Variants in ARHGAP12 observed in about 807,000 individuals in gnomAD.
ARHGAP12 encodes Rho GTPase activating protein 12, also known as rho GTPase-activating protein 12.
In ARHGAP12, 64 loss-of-function variants were observed where a neutral mutation model predicts 108.6. The observed-to-expected ratio is 0.59, with a 90% CI of 0.48 to 0.73. The LOEUF is 0.73. Ranked by LOEUF, ARHGAP12 falls within the 30% of genes least tolerant of loss-of-function variation. ARHGAP12 has a pLI of 0.00. For missense variants in ARHGAP12, 940 were observed against 1,005.9 expected (o/e 0.93, Z 0.89); for synonymous variants, 312 against 337.2 (o/e 0.93, Z 0.82).
chr10:31,873,510 C>G (rs1322861223), intron 3 of ARHGAP12, among the ~76,000 whole-genome samples: 1 of 152,154 alleles, frequency 6.6e-6, no homozygotes, highest in Non-Finnish European at 1.5e-5. Flanking sequence ...CACCCATGGC[C>G]AGTGGCTACT....
At chr10:31,900,323 T>C (rs1379400278) in intron 3 of ARHGAP12, among the ~76,000 whole-genome samples, 1 of 152,038 alleles carries the variant, frequency 6.6e-6, no homozygotes, top group Non-Finnish European at 1.5e-5. Context: ...CTAAACAGAG[T>C]CATACCATAC....
At chr10:31,887,664 T>TTC (rs1838239728) in intron 3 of ARHGAP12, among the ~76,000 whole-genome samples, 2 of 149,828 alleles carry the variant, frequency 1.3e-5, no homozygotes, top group African/African-American at 4.9e-5. Flanking sequence ...TTTTTTTGTT[T>TTC]TTTTTTTTTT....
At chr10:31,874,088 C>T (rs1408028468) in intron 3 of ARHGAP12, among the ~76,000 whole-genome samples, 1 of 152,170 alleles carries the variant, frequency 6.6e-6, no homozygotes, top group Non-Finnish European at 1.5e-5. Flanking sequence ...AAAAAACTAT[C>T]TGTGATCACT....
rs1000675308 is a variant in ARHGAP12, at chr10:31,913,777, T to C, written c.-110-3214A>G. On this transcript the variant is annotated intron_variant, in intron 1 of 19. Coordinates refer to ENST00000344936, the MANE Select transcript of ARHGAP12 (RefSeq NM_018287.7). Reference sequence around the variant, plus strand: ...GACAAATCAGTTGGTTCTAGCAGGGTTTTTTTTTTTTTTGAAGAAAGAATT... The same window carrying C: ...GACAAATCAGTTGGTTCTAGCAGGGCTTTTTTTTTTTTTGAAGAAAGAATT... 1.2e-3 allele frequency: 147 copies of C among 125,296 alleles called. 2 individuals are homozygous for C. The highest frequency in any genetic ancestry group is 7.8e-3 in the Middle Eastern group (2 of 258). The allele number at this position is 125,296 out of a possible 1,614,324, so 7.8% of individuals were successfully genotyped here. A position where few individuals can be genotyped will look rare whatever the true frequency, so the allele number is the denominator to read the frequency against.
At position 31,861,420 on chromosome 10, in the gene ARHGAP12, TCTC is replaced by T; in HGVS notation, c.920_922del (p.Gly307del). The T allele has an allele frequency of 6.2e-7, 1 of 1,613,000 alleles. No homozygotes were observed. Among genetic ancestry groups the T allele is most frequent in the Non-Finnish European group, 8.5e-7 (1 of 1,179,726 alleles). On this transcript the variant is annotated inframe_deletion, in exon 4 of 20. Coordinates refer to ENST00000344936, the MANE Select transcript of ARHGAP12 (RefSeq NM_018287.7). ...CTCTTGATCCCCTGGATTTTGGAAA[TCTC>T]CTTTGCTGATGCTTGCATCCCGAGT...
At chr10:31,906,581 C>T (rs1028621289) in intron 3 of ARHGAP12, among the ~76,000 whole-genome samples, 1 of 151,962 alleles carries the variant, frequency 6.6e-6, no homozygotes, top group Non-Finnish European at 1.5e-5. Flanking sequence ...CTCATGAGAG[C>T]AGGGGAAAAT....
At chr10:31,916,908 C>T (rs1839580080) in intron 1 of ARHGAP12, among the ~76,000 whole-genome samples, 1 of 152,046 alleles carries the variant, frequency 6.6e-6, no homozygotes, top group South Asian at 2.1e-4. Flanking sequence ...AGCCACCACG[C>T]CCAGCCGAAA....
chr10:31,912,142 C>T (rs1390301910), intron 1 of ARHGAP12, among the ~76,000 whole-genome samples: 2 of 152,194 alleles, frequency 1.3e-5, no homozygotes, highest in Non-Finnish European at 2.9e-5. Flanking sequence ...TTTACCTATA[C>T]AAATTTTTCA....
chr10:31,861,385 T>C lies in ARHGAP12; in HGVS notation c.948+10A>G. ...TGGTAACTTGCAGTTGATTCCTTAATTACTCATACCTCTTGATCCCCTGGA... is the reference window on the plus strand; with the variant it reads ...TGGTAACTTGCAGTTGATTCCTTAACTACTCATACCTCTTGATCCCCTGGA... On this transcript the variant is annotated intron_variant, in intron 4 of 19. Coordinates refer to ENST00000344936, the MANE Select transcript of ARHGAP12 (RefSeq NM_018287.7). 6.3e-7 allele frequency: 1 copy of C among 1,588,078 alleles called. No homozygotes were observed. The highest frequency in any genetic ancestry group is 8.5e-7 in the Non-Finnish European group (1 of 1,171,546).
intron 3 of ARHGAP12, among the ~76,000 whole-genome samples, chr10:31,899,034 T>C (rs941464300): frequency 2.0e-5 from 3 of 152,130 alleles, no homozygotes; most frequent in South Asian, 2.1e-4. Flanking sequence ...TGGCTGAACA[T>C]TGAAAACATT....
In ARHGAP12 at chr10:31,908,179, T is replaced by A. The variant is rs761610009; in HGVS notation, c.677A>T (p.Gln226Leu). Reference sequence around the variant, plus strand: ...TTCTATTTTTAATCTTACCCTTATCTGTTCAGTGGAGCTGCTGCTAAGTTC... The same window carrying A: ...TTCTATTTTTAATCTTACCCTTATCAGTTCAGTGGAGCTGCTGCTAAGTTC... ...GDELSSSSTE[Q>L]IRATTPPNQG... Residue 226 changes from glutamine (Q) to leucine (L), a missense_variant, in exon 3 of 20, where the codon CAG (glutamine) becomes CTG (leucine). Gln to Leu is a moderately radical substitution (Grantham distance 113, BLOSUM62 -2). Coordinates refer to ENST00000344936, the MANE Select transcript of ARHGAP12 (RefSeq NM_018287.7). 6.3e-7 allele frequency: 1 copy of A among 1,591,994 alleles called. No homozygotes were observed. The highest frequency in any genetic ancestry group is 8.5e-7 in the Non-Finnish European group (1 of 1,170,842).
At chr10:31,904,224 G>A (rs550469218) in intron 3 of ARHGAP12, among the ~76,000 whole-genome samples, 12 of 152,238 alleles carry the variant, frequency 7.9e-5, no homozygotes, top group South Asian at 4.1e-4. Flanking sequence ...TTCTTTTATG[G>A]ATAAATGGTT....
chr10:31,809,307 C>T lies in ARHGAP12; in HGVS notation c.2051G>A (p.Gly684Asp), dbSNP rs780320103. ...TCTGTATATCCCATCAATATCCAAA[C>T]CTAAGAGACAATAATAATTTGTGTG... is the stretch of plus-strand genomic sequence containing the variant. ...KLCIEHVEEH[G>D]LDIDGIYRVS... is the part of the protein sequence containing the mutation. Residue 684 changes from glycine to aspartate, a missense_variant and splice_region_variant, in exon 17 of 20, where the codon GGT becomes GAT. By Grantham distance (94) the Gly-to-Asp change is moderately conservative. Coordinates refer to ENST00000344936, the MANE Select transcript of ARHGAP12 (RefSeq NM_018287.7). The T allele has an allele frequency of 6.2e-7, 1 of 1,613,178 alleles. No homozygotes were observed. Among genetic ancestry groups the T allele is most frequent in the South Asian group, 1.1e-5 (1 of 91,062 alleles).
chr10:31,869,123 G>A (rs998675795), intron 3 of ARHGAP12, among the ~76,000 whole-genome samples: 2 of 152,086 alleles, frequency 1.3e-5, no homozygotes, highest in Admixed American at 1.3e-4. Context: ...AAATGAATAA[G>A]CAGTAAGATA....
chr10:31,900,354 A>AT (rs553148181), intron 3 of ARHGAP12, among the ~76,000 whole-genome samples: 153 of 152,318 alleles, frequency 1.0e-3, no homozygotes, highest in African/African-American at 3.4e-3. Context: ...TAAACATACC[A>AT]TACATCATGT....
intron 4 of ARHGAP12, among the ~76,000 whole-genome samples, chr10:31,855,238 T>G (rs1423707985): frequency 1.3e-5 from 2 of 152,082 alleles, no homozygotes; most frequent in Non-Finnish European, 2.9e-5. Context: ...TGGGAAAATT[T>G]AGAAACTTTT....
intron 19 of ARHGAP12, chr10:31,808,325 G>A (rs561427745): frequency 1.3e-4 from 23 of 181,204 alleles, no homozygotes; most frequent in Middle Eastern, 2.4e-3. Flanking sequence ...TAGTAACCTA[G>A]AACCATGACG....
At chr10:31,894,993 A>T (rs1350322396) in intron 3 of ARHGAP12, among the ~76,000 whole-genome samples, 6 of 152,116 alleles carry the variant, frequency 3.9e-5, no homozygotes, top group African/African-American at 4.8e-5. Context: ...AAACAAGAAA[A>T]GGGGAAAGGA....
At chr10:31,858,457 C>A (rs758033741) in intron 4 of ARHGAP12, among the ~76,000 whole-genome samples, 1 of 152,110 alleles carries the variant, frequency 6.6e-6, no homozygotes. Flanking sequence ...GTGGCCCATA[C>A]TTGTAGTCCC....
Sources: allele counts gnomAD v4.1 joint callset (sites outside exome capture counted in the v4.1 genomes callset), GRCh38; gene constraint gnomAD v4.1.1; transcripts MANE v1.5; gene names NCBI Gene and HGNC (gene_info 2026-07-23, HGNC 2026-07-21).